OSBPL9: variants seen among roughly 807,000 people sequenced by gnomAD.
OSBPL9 encodes the protein oxysterol binding protein like 9.
In OSBPL9, 40 loss-of-function variants were observed where a neutral mutation model predicts 106.6. The observed-to-expected ratio is 0.38, with a 90% CI of 0.29 to 0.49. The LOEUF (loss-of-function observed/expected upper bound fraction) is 0.49, where lower values mean the gene tolerates loss of function less well. Among genes scored for constraint, OSBPL9 ranks in the 20% least tolerant of loss-of-function variants. OSBPL9 has a pLI of 0.97. For synonymous variants in OSBPL9, 269 were observed against 295.4 expected, an observed-to-expected ratio of 0.91 and a Z score of 0.92; for missense variants, 609 against 887.2, an observed-to-expected ratio of 0.69 and a Z score of 3.98.
chr1:51,700,094 TC>T (rs1379727889), intron 3 of OSBPL9, among the ~76,000 whole-genome samples: 2 of 152,242 alleles, frequency 1.3e-5, no homozygotes, highest in Non-Finnish European at 2.9e-5. Flanking sequence ...TTTCCAATCA[TC>T]CATGTCCTTT....
At chr1:51,573,645 C>T (rs1208640686), upstream of OSBPL9, among the ~76,000 whole-genome samples, 4 of 151,344 alleles carry the variant, frequency 2.6e-5, no homozygotes, top group Non-Finnish European at 5.9e-5. Flanking sequence ...GAGACCCCGT[C>T]TCTACTAAAA....
intron 2 of OSBPL9, among the ~76,000 whole-genome samples, chr1:51,605,573 G>T (rs1186966929): frequency 1.3e-5 from 2 of 152,312 alleles, no homozygotes; most frequent in Middle Eastern, 3.4e-3. Context: ...ATGTCCCAAG[G>T]ATCAATAATG....
intron 3 of OSBPL9, among the ~76,000 whole-genome samples, chr1:51,685,779 T>G (rs955120796): frequency 2.0e-5 from 3 of 152,236 alleles, no homozygotes; most frequent in Admixed American, 6.5e-5. Flanking sequence ...ATTCTTAGGA[T>G]CATGGTGCTT....
intron 2 of OSBPL9, among the ~76,000 whole-genome samples, chr1:51,602,460 T>C (rs1645329576): frequency 6.7e-6 from 1 of 150,094 alleles, no homozygotes; most frequent in African/African-American, 2.5e-5. Flanking sequence ...TCTTACTTTG[T>C]TGCCCAGGCT....
chr1:51,596,654 C>T (rs932851473), intron 1 of OSBPL9, among the ~76,000 whole-genome samples: 1 of 151,646 alleles, frequency 6.6e-6, no homozygotes, highest in Non-Finnish European at 1.5e-5. Context: ...GTGGCATGTG[C>T]CTGTAATCCC....
intron 4 of OSBPL9, among the ~76,000 whole-genome samples, chr1:51,742,675 G>T (rs376947990): frequency 6.6e-6 from 1 of 152,096 alleles, no homozygotes; most frequent in African/African-American, 2.4e-5. Flanking sequence ...GGTTGAGTCT[G>T]CAGTGAGCCC....
intron 1 of OSBPL9, among the ~76,000 whole-genome samples, chr1:51,619,158 TA>T (rs1644269222): frequency 6.6e-6 from 1 of 152,186 alleles, no homozygotes; most frequent in South Asian, 2.1e-4. Flanking sequence ...TGGGTTTAAG[TA>T]GATGTGATAA....
rs1228765522 is a variant in OSBPL9, at chr1:51,729,921, G to A, written c.319-15615G>A. On this transcript the variant is annotated intron_variant, in intron 4 of 23. Transcript: ENST00000428468. This position sits in a 1 kb window ranked among gnomAD's most constrained non-coding sequence, Gnocchi z 5.1. ...AGGGGAGAAGAAAAAGGGGTGCTCG[G>A]GAGCAGCCCCCGGCTACCTCCCCTG... 8 of 1,298,946 alleles carry A rather than the reference G, an allele frequency of 6.2e-6. No homozygotes were observed. The highest frequency in any genetic ancestry group is 7.9e-6 in the Non-Finnish European group (8 of 1,015,570). 80.5% of individuals were successfully genotyped at this position (1,298,946 alleles called of 1,614,324 possible).
At chr1:51,752,899 G>A (rs1669573326) in intron 8 of OSBPL9, among the ~76,000 whole-genome samples, 1 of 152,080 alleles carries the variant, frequency 6.6e-6, no homozygotes, top group South Asian at 2.1e-4. Context: ...TTGGGGTTAG[G>A]GCTTCAACAC....
intron 15 of OSBPL9, among the ~76,000 whole-genome samples, chr1:51,778,853 G>A (rs1427208417): frequency 6.6e-6 from 1 of 152,146 alleles, no homozygotes; most frequent in Non-Finnish European, 1.5e-5. Flanking sequence ...CCAGGTGCAT[G>A]TGAAATGTTT....
At chr1:51,628,893 A>G (rs1250294370) in intron 1 of OSBPL9, among the ~76,000 whole-genome samples, 1 of 151,938 alleles carries the variant, frequency 6.6e-6, no homozygotes, top group Non-Finnish European at 1.5e-5. Flanking sequence ...CATGTTGGCC[A>G]GGCTGGTCTC....
the OSBPL9 span, chr1:51,567,848 A>T: frequency 6.6e-6 from 1 of 152,222 alleles, no homozygotes; most frequent in Non-Finnish European, 1.5e-5. Flanking sequence ...CAGGGCCTGG[A>T]AATTAAACCC....
chr1:51,736,088 T>G (rs970857221), intron 4 of OSBPL9, among the ~76,000 whole-genome samples: 1 of 152,156 alleles, frequency 6.6e-6, no homozygotes, highest in African/African-American at 2.4e-5. Context: ...GCAGAATTCC[T>G]TAATTCATTT....
chr1:51,749,681 C>T (rs999990195), intron 7 of OSBPL9: 4 of 195,736 alleles, frequency 2.0e-5, no homozygotes, highest in Middle Eastern at 9.6e-4. Context: ...TAATCAGATT[C>T]GTATGTCTTT....
chr1:51,724,356 T>C (rs996625340), intron 4 of OSBPL9, among the ~76,000 whole-genome samples: 1 of 152,164 alleles, frequency 6.6e-6, no homozygotes, highest in African/African-American at 2.4e-5. Flanking sequence ...CGATCTCAGC[T>C]CACTGCCACC....
chr1:51,523,709 A>G, the OSBPL9 span, among the ~76,000 whole-genome samples: 1 of 152,186 alleles, frequency 6.6e-6, no homozygotes, highest in Non-Finnish European at 1.5e-5. Flanking sequence ...GGATGAGCCT[A>G]AAGAGAAGAC....
chr1:51,705,730 T>TA (rs1658410034), intron 3 of OSBPL9, among the ~76,000 whole-genome samples: 1 of 152,150 alleles, frequency 6.6e-6, no homozygotes, highest in African/African-American at 2.4e-5. Flanking sequence ...ATTTTAAAGT[T>TA]ACAAAAAATG....
chr1:51,542,182 C>A, the OSBPL9 span, among the ~76,000 whole-genome samples: 1 of 152,222 alleles, frequency 6.6e-6, no homozygotes, highest in Non-Finnish European at 1.5e-5. Flanking sequence ...AACCACTGCA[C>A]CTGGCATATA....
At chr1:51,681,204 G>T (rs1050849083) in intron 3 of OSBPL9, among the ~76,000 whole-genome samples, 2 of 152,128 alleles carry the variant, frequency 1.3e-5, no homozygotes, top group African/African-American at 4.8e-5. Context: ...ATAGACAAAA[G>T]CATTTCCCTA....
Sources: gnomAD v4.1 joint callset for allele counts (sites outside exome capture counted in the v4.1 genomes callset) on GRCh38, gnomAD v4.1.1 for gene constraint, Gnocchi (gnomAD v3.1) non-coding constraint, MANE v1.5 for transcripts, NCBI Gene and HGNC (gene_info 2026-07-23, HGNC 2026-07-21) for gene names.